The following KIF18B variants were observed in gnomAD, a reference collection of about 807,000 sequenced individuals.
The protein encoded by KIF18B is kinesin-like protein KIF18B.
KIF18B carries 49 observed loss-of-function variants against 80.9 expected under a neutral mutation model. That is an observed-to-expected ratio of 0.61 (90% CI 0.48 to 0.77). The LOEUF is 0.77. Among genes scored for constraint, KIF18B ranks in the 30% least tolerant of loss-of-function variants. The pLI, the probability that KIF18B is intolerant of heterozygous loss-of-function variation, is 0.00. For missense variants in KIF18B, 994 were observed against 1,127.7 expected (o/e 0.88, Z 1.70); for synonymous variants, 439 against 463.9 (o/e 0.95, Z 0.69).
At chr17:44,941,906 G>A (rs892334054) in intron 1 of KIF18B, among the ~76,000 whole-genome samples, 4 of 152,312 alleles carry the variant, frequency 2.6e-5, no homozygotes, top group African/African-American at 9.6e-5. Flanking sequence ...GGGCCAGTGT[G>A]GCTGAGTCTG....
intron 1 of KIF18B, among the ~76,000 whole-genome samples, chr17:44,944,050 T>C (rs1354072286): frequency 1.3e-5 from 2 of 152,216 alleles, no homozygotes; most frequent in Admixed American, 1.3e-4. Context: ...TAATGGGATA[T>C]GTTTGCTCTT....
Position 44,927,895 on chromosome 17 carries a change from C to G in KIF18B, c.2276+131G>C. 1 of 846,658 alleles carries G rather than the reference C, an allele frequency of 1.2e-6. No homozygotes were observed. The highest frequency in any genetic ancestry group is 2.8e-5 in the South Asian group (1 of 36,100). 52.4% of individuals were successfully genotyped at this position (846,658 alleles called of 1,614,324 possible). A position where few individuals can be genotyped will look rare whatever the true frequency, so the allele number is the denominator to read the frequency against. ...TGGGCCTGGGGAGCAAAGCGGATCA[C>G]AACCAAAGTGGAACAGATAGGAACC... is the stretch of plus-strand genomic sequence containing the variant. On this transcript the variant is annotated intron_variant, in intron 13 of 15. Coordinates refer to ENST00000593135, the MANE Select transcript of KIF18B (RefSeq NM_001265577.2). This position sits in a 1 kb window ranked among gnomAD's most constrained non-coding sequence, Gnocchi z 4.1.
rs2052069640 is a variant in KIF18B, at chr17:44,928,202, G to A, written c.2100C>T (p.Pro700=). 6.2e-7 allele frequency: 1 copy of A among 1,612,524 alleles called. No individual in the cohort carries two copies. Among genetic ancestry groups the A allele is most frequent in the Non-Finnish European group, 8.5e-7 (1 of 1,179,252 alleles). The change falls in exon 13 of 16, where the codon CCC becomes CCT. Residue 700 remains proline (P), a synonymous_variant. Coordinates refer to ENST00000593135, the MANE Select transcript of KIF18B (RefSeq NM_001265577.2). ...AGTTCTGCATGGCGGAAGGGCCCAG[G>A]GGCACCCGGCTTTTGATGACTGTGG... is the stretch of plus-strand genomic sequence containing the variant. ...CPATVIKSRV[P]LGPSAMQNCS...
At position 44,935,258 on chromosome 17, in the gene KIF18B, C is replaced by A; in HGVS notation, c.471+1G>T. ...CAAGGCCCAGGGCAGGGGCAGCCGA[C>A]CTCCTGGTAGCTGATGAGCACCTCG... is the stretch of plus-strand genomic sequence containing the variant. On this transcript the variant is annotated splice_donor_variant, in intron 3 of 15. Transcript: ENST00000593135. LOFTEE classifies it high-confidence loss of function. 1 of 1,600,626 alleles carries A rather than the reference C, an allele frequency of 6.2e-7. No individual in the cohort carries two copies. The highest frequency in any genetic ancestry group is 8.5e-7 in the Non-Finnish European group (1 of 1,171,928).
rs762242496 is a variant in KIF18B, at chr17:44,929,024, C to T, written c.1518G>A (p.Gln506=). 4 of 1,613,928 alleles carry T rather than the reference C, an allele frequency of 2.5e-6. No homozygotes were observed. The highest frequency in any genetic ancestry group is 3.4e-6 in the Non-Finnish European group (4 of 1,179,838). ...ARELDGDRSK[Q]LALKVLCVAQ... is the part of the protein sequence containing the mutation. ...CAACGCACAGCACCTTTAGGGCCAA[C>T]CTGGAACAGAAGAAAGGGGATTCCC... The change falls in exon 12 of 16, where the codon CAG becomes CAA. Residue 506 remains glutamine, a splice_region_variant and synonymous_variant. Transcript: ENST00000593135.
rs1310563971 is a variant in KIF18B at position 44,932,970 on chromosome 17, G to A, written c.1079C>T (p.Thr360Ile). 2.5e-6 allele frequency: 4 copies of A among 1,605,216 alleles called. No homozygotes were observed. Among genetic ancestry groups the A allele is most frequent in the Non-Finnish European group, 3.4e-6 (4 of 1,172,792 alleles). The change falls in exon 8 of 16, where the codon ACC becomes ATC. Residue 360 changes from threonine (T) to isoleucine (I), a missense_variant. Coordinates refer to ENST00000593135, the MANE Select transcript of KIF18B (RefSeq NM_001265577.2). Reference sequence around the variant, plus strand: ...CTGGCTGATGTGACAGTCCAGGCTGGTCACATTGCTCTTCAGCTGAGATGG... The same window carrying A: ...CTGGCTGATGTGACAGTCCAGGCTGATCACATTGCTCTTCAGCTGAGATGG... ...EIRLSLKSNVTSLDCHISQYA... is the reference protein window; with the variant it reads ...EIRLSLKSNVISLDCHISQYA...
At position 44,927,113 on chromosome 17, in the gene KIF18B, C is replaced by A; in HGVS notation, c.2277-35G>T. 1.3e-6 allele frequency: 2 copies of A among 1,530,790 alleles called. No homozygotes were observed. The highest frequency in any genetic ancestry group is 4.6e-5 in the East Asian group (2 of 43,644). 94.8% of individuals were successfully genotyped at this position (1,530,790 alleles called of 1,614,324 possible). ...GAGGACAGGGAAGGAGGCTGATCAG[C>A]AGGGAACCGGAAGCAAGGCCAGCCA... On this transcript the variant is annotated intron_variant, in intron 13 of 15. Transcript: ENST00000593135. This position sits in a 1 kb window ranked among gnomAD's most constrained non-coding sequence, Gnocchi z 4.1.
Position 44,927,749 on chromosome 17 carries a change from C to T in KIF18B, c.2276+277G>A, listed in dbSNP as rs2052059319. Among the ~76,000 whole-genome samples, 1 of 152,200 alleles carries T rather than the reference C, an allele frequency of 6.6e-6. No individual in the cohort carries two copies. Among genetic ancestry groups the T allele is most frequent in the African/African-American group, 2.4e-5 (1 of 41,448 alleles). ...ATTCTTGTTCCCTGCTGACTCTTTC[C>T]AAGTTGGGGTCCCATTAGCTACTCA... On this transcript the variant is annotated intron_variant, in intron 13 of 15. Transcript: ENST00000593135. This position sits in a 1 kb window ranked among gnomAD's most constrained non-coding sequence, Gnocchi z 4.1.
In KIF18B at chr17:44,942,136, G is replaced by A. The variant is rs1163656239; in HGVS notation, c.-15+5492C>T. Among the ~76,000 whole-genome samples, 5 of 152,290 alleles carry A rather than the reference G, an allele frequency of 3.3e-5. No individual in the cohort carries two copies. The East Asian group carries it at 7.7e-4, about 24-fold the overall frequency. ...AGAAAACAGCTACCGATCTGCTCCC[G>A]CCCCAGGGGATGGGGAGATTAATGA... is the stretch of plus-strand genomic sequence containing the variant. On this transcript the variant is annotated intron_variant, in intron 1 of 15. Transcript: ENST00000593135.
intron 11 of KIF18B, 72 bp from the exon 12 acceptor site, chr17:44,929,096 C>A: frequency 7.6e-7 from 1 of 1,311,592 alleles, no homozygotes; most frequent in Non-Finnish European, 1.1e-6. Flanking sequence ...TGCCATGCAC[C>A]TGTCCTCATC....
rs781237000 is a variant in KIF18B, at chr17:44,926,127, C to A, written c.2512G>T (p.Val838Leu). 7 of 1,613,764 alleles carry A rather than the reference C, an allele frequency of 4.3e-6. No homozygotes were observed. In the East Asian group the frequency reaches 1.6e-4, roughly 36 times the overall value. Reference protein sequence around the residue: ...NRRNGKDLIRVGRALSAGNGV... With the variant: ...NRRNGKDLIRLGRALSAGNGV... ...TTCCCTGCTGAGAGTGCTCTCCCCA[C>A]CCTGATGAGGTCCTTTCCATTCCTC... The change falls in exon 16 of 16, where the codon GTG becomes TTG. Residue 838 changes from valine to leucine, a missense_variant. Val to Leu is a conservative substitution (Grantham distance 32). Coordinates refer to ENST00000593135, the MANE Select transcript of KIF18B (RefSeq NM_001265577.2).
chr17:44,946,060 C>CAA (rs57457345), intron 1 of KIF18B, among the ~76,000 whole-genome samples: 1 of 132,752 alleles, frequency 7.5e-6, no homozygotes, highest in African/African-American at 2.6e-5. Flanking sequence ...TCTCTACTTC[C>CAA]AAAAAAAAAA....
chr17:44,928,874 C>G lies in KIF18B; in HGVS notation c.1668G>C (p.Arg556Ser). 1 of 1,613,924 alleles carries G rather than the reference C, an allele frequency of 6.2e-7. No individual in the cohort carries two copies. Among genetic ancestry groups the G allele is most frequent in the Non-Finnish European group, 8.5e-7 (1 of 1,179,834 alleles). The change falls in exon 12 of 16, where the codon AGG becomes AGC. Residue 556 changes from arginine (R) to serine (S), a missense_variant. Transcript: ENST00000593135. ...GTGCCCCCCTGGCCAGGCCTGAAGT[C>G]CTCAAGGCCTCTGCCCCAGGCTCAA... ...EKIEPGAEAL[R>S]TSGLARGAPL... is the part of the protein sequence containing the mutation.
chr17:44,934,449 G>C lies in KIF18B; in HGVS notation c.688-19C>G. On this transcript the variant is annotated intron_variant, in intron 5 of 15. Transcript: ENST00000593135. This position sits in a 1 kb window ranked among gnomAD's most constrained non-coding sequence, Gnocchi z 5.4. ...CAAAGATCTGAAGGCAGATGGCAGG[G>C]GTGAGGGGGAGATGGGCATCAGGGG... 6.2e-7 allele frequency: 1 copy of C among 1,604,112 alleles called. No homozygotes were observed. The highest frequency in any genetic ancestry group is 8.5e-7 in the Non-Finnish European group (1 of 1,174,158).
intron 14 of KIF18B, 30 bp downstream of exon 14, chr17:44,926,959 C>T: frequency 6.3e-7 from 1 of 1,577,746 alleles, no homozygotes; most frequent in Non-Finnish European, 8.6e-7. Flanking sequence ...AGCTCCTTCT[C>T]CCAGACAGCT....
chr17:44,936,077 T>C lies in KIF18B; in HGVS notation c.268A>G (p.Thr90Ala). The C allele has an allele frequency of 6.2e-7, 1 of 1,613,796 alleles. No homozygotes were observed. The highest frequency in any genetic ancestry group is 8.5e-7 in the Non-Finnish European group (1 of 1,179,886). ...AGGAAGCTGTCCAGGACGCTGTGCG[T>C]GGTGTGCTGGAACACGTCCTGTTGG... is the stretch of plus-strand genomic sequence containing the variant. ...ATQQDVFQHT[T>A]HSVLDSFLQG... Residue 90 changes from threonine to alanine, a missense_variant, in exon 2 of 16, where the codon ACG (threonine) becomes GCG (alanine). Coordinates refer to ENST00000593135, the MANE Select transcript of KIF18B (RefSeq NM_001265577.2).
At position 44,924,809 on chromosome 17, in the gene KIF18B, T is replaced by A. The variant is rs1233862603; in HGVS notation, c.*1271A>T. The A allele has an allele frequency of 3.9e-5, 6 of 152,156 alleles. No homozygotes were observed. The highest frequency in any genetic ancestry group is 8.8e-5 in the Non-Finnish European group (6 of 68,034). The allele number at this position is 152,156 out of a possible 1,614,324, so 9.4% of individuals were successfully genotyped here. ...CAGAAGGCTATAAACCCAAGTATCA[T>A]TAGCATTTATATCTAGGTGCAGCAT... On this transcript the variant is annotated 3_prime_UTR_variant, in exon 16 of 16. Transcript: ENST00000593135.
chr17:44,940,500 T>G (rs770038517), intron 1 of KIF18B, among the ~76,000 whole-genome samples: 5 of 152,196 alleles, frequency 3.3e-5, no homozygotes, highest in African/African-American at 4.8e-5. Flanking sequence ...CAGACCTCTC[T>G]CCCTGGTTTT....
At chr17:44,933,131 A>G in intron 7 of KIF18B, 145 bp from the exon 8 acceptor site, 1 of 667,058 alleles carries the variant, frequency 1.5e-6, no homozygotes, top group Non-Finnish European at 2.6e-6. Context: ...AGAGAAGGTC[A>G]GTATCATGCC....
Sources: gnomAD v4.1 joint callset for allele counts (sites outside exome capture counted in the v4.1 genomes callset) on GRCh38, gnomAD v4.1.1 for gene constraint, Gnocchi (gnomAD v3.1) non-coding constraint, MANE v1.5 for transcripts, NCBI Gene and HGNC (gene_info 2026-07-23, HGNC 2026-07-21) for gene names.